UBE2E2: variants seen among roughly 807,000 people sequenced by gnomAD.
The protein encoded by UBE2E2 is ubiquitin conjugating enzyme E2 E2.
UBE2E2 carries 6 observed loss-of-function variants against 24.7 expected under a neutral mutation model. The ratio of observed to expected loss-of-function variants is 0.24; its 90% confidence interval spans 0.13 to 0.48. The LOEUF is 0.48. Among genes scored for constraint, UBE2E2 ranks in the 20% least tolerant of loss-of-function variants. The pLI, the probability that UBE2E2 is intolerant of heterozygous loss-of-function variation, is 0.99. For synonymous variants in UBE2E2, 104 were observed against 83.6 expected (o/e 1.24, Z -1.33); for missense variants, 169 against 245.0 (o/e 0.69, Z 2.07).
At chr3:23,356,926 C>G (rs548277187) in intron 3 of UBE2E2, among the ~76,000 whole-genome samples, 2 of 152,346 alleles carry the variant, frequency 1.3e-5, no homozygotes, top group South Asian at 4.1e-4. Context: ...TATTTCTCCT[C>G]ACACAGATAC....
chr3:23,332,669 AGTGGGGTGT>A (rs1695089133), intron 3 of UBE2E2, among the ~76,000 whole-genome samples: 1 of 88,836 alleles, frequency 1.1e-5, no homozygotes. Context: ...CCTGGCAGCC[AGTGGGGTGT>A]GTGTGTGTGT....
chr3:23,552,334 CAG>C (rs1197014691), intron 5 of UBE2E2, among the ~76,000 whole-genome samples: 5 of 152,158 alleles, frequency 3.3e-5, no homozygotes, highest in Non-Finnish European at 4.4e-5. Flanking sequence ...GCCTAAGCAA[CAG>C]AGAGAGACCC....
At chr3:23,265,908 C>G in intron 3 of UBE2E2, among the ~76,000 whole-genome samples, 1 of 152,194 alleles carries the variant, frequency 6.6e-6, no homozygotes, top group African/African-American at 2.4e-5. Context: ...TAATGGCCTT[C>G]TTTGTCTCTT....
chr3:23,485,369 T>C (rs1699342983), intron 3 of UBE2E2, among the ~76,000 whole-genome samples: 1 of 152,146 alleles, frequency 6.6e-6, no homozygotes, highest in Non-Finnish European at 1.5e-5. Flanking sequence ...AGTGTTGGGA[T>C]TACAGGCATG....
At chr3:23,402,208 G>C (rs148963949) in intron 3 of UBE2E2, among the ~76,000 whole-genome samples, 2 of 152,190 alleles carry the variant, frequency 1.3e-5, no homozygotes, top group Admixed American at 6.5e-5. Flanking sequence ...TCCCTTAGTT[G>C]ATAAGTTAAT....
intron 5 of UBE2E2, among the ~76,000 whole-genome samples, chr3:23,585,893 G>T: frequency 6.9e-6 from 1 of 145,106 alleles, no homozygotes. Flanking sequence ...AAATTATTTG[G>T]TTGATAACAT....
In UBE2E2 at chr3:23,561,284, C is replaced by A. The variant is rs998915466; in HGVS notation, c.509-28450C>A. On this transcript the variant is annotated intron_variant, in intron 5 of 5. Coordinates refer to ENST00000396703, the MANE Select transcript of UBE2E2 (RefSeq NM_152653.4). ...GGAAGGGATCCAGTTTCAGCTTTCTCCATATGGCTAGCCAGTTTTCTCAGC... is the reference window on the plus strand; with the variant it reads ...GGAAGGGATCCAGTTTCAGCTTTCTACATATGGCTAGCCAGTTTTCTCAGC... Among the ~76,000 whole-genome samples, 115 of 152,220 alleles carry A rather than the reference C, an allele frequency of 7.6e-4. 2 individuals are homozygous for A. Among genetic ancestry groups the A allele is most frequent in the African/African-American group, 2.3e-3 (97 of 41,544 alleles).
rs114171663 is a variant in UBE2E2 at position 23,322,465 on chromosome 3, A to G, written c.227+105153A>G. 9.9e-3 allele frequency among the ~76,000 whole-genome samples: 1,500 copies of G among 152,234 alleles called. 6 individuals are homozygous for G. The highest frequency in any genetic ancestry group is 0.015 in the Non-Finnish European group (1,053 of 67,986). On this transcript the variant is annotated intron_variant, in intron 3 of 5. Coordinates refer to ENST00000396703, the MANE Select transcript of UBE2E2 (RefSeq NM_152653.4). ...GTTTTTTGGACAGAATCCCCATGTG[A>G]CTTGATTAATGATAAGGAATAATCA...
intron 3 of UBE2E2, among the ~76,000 whole-genome samples, chr3:23,444,170 C>T (rs1433524786): frequency 6.8e-6 from 1 of 146,986 alleles, no homozygotes; most frequent in Non-Finnish European, 1.5e-5. Context: ...TGTTGTTGAT[C>T]CATGGTTGTT....
chr3:23,353,268 C>T (rs1695821843), intron 3 of UBE2E2, among the ~76,000 whole-genome samples: 1 of 151,998 alleles, frequency 6.6e-6, no homozygotes. Flanking sequence ...GACAAACCCA[C>T]AGCCAATATC....
At chr3:23,493,045 A>T (rs1699532084) in intron 3 of UBE2E2, among the ~76,000 whole-genome samples, 2 of 152,166 alleles carry the variant, frequency 1.3e-5, no homozygotes, top group African/African-American at 4.8e-5. Context: ...TTAAGAAGGG[A>T]TTGAGGCACA....
intron 5 of UBE2E2, among the ~76,000 whole-genome samples, chr3:23,569,317 G>A (rs1220540772): frequency 1.3e-5 from 2 of 152,150 alleles, no homozygotes; most frequent in Non-Finnish European, 2.9e-5. Context: ...CCAGACCTAG[G>A]ACTGGTGGAT....
intron 3 of UBE2E2, among the ~76,000 whole-genome samples, chr3:23,436,099 G>A (rs564611089): frequency 5.3e-5 from 8 of 152,198 alleles, no homozygotes; most frequent in Admixed American, 2.6e-4. Context: ...CTCCCCAGCC[G>A]CTCACCTCCT....
chr3:23,485,985 G>A (rs530639155), intron 3 of UBE2E2, among the ~76,000 whole-genome samples: 40 of 152,244 alleles, frequency 2.6e-4, no homozygotes, highest in African/African-American at 6.7e-4. Flanking sequence ...TTCAGGTGTC[G>A]CTTCACCAGC....
intron 3 of UBE2E2, among the ~76,000 whole-genome samples, chr3:23,401,107 A>G (rs906064461): frequency 6.6e-6 from 1 of 152,206 alleles, no homozygotes; most frequent in Non-Finnish European, 1.5e-5. Flanking sequence ...GTGTCTTAGA[A>G]GGAATCATCA....
At chr3:23,565,827 G>A (rs1030003926) in intron 5 of UBE2E2, among the ~76,000 whole-genome samples, 7 of 152,090 alleles carry the variant, frequency 4.6e-5, no homozygotes, top group African/African-American at 1.2e-4. Context: ...TTTGATAAGC[G>A]CTTCTGCCAC....
At chr3:23,339,054 C>CT (rs1285449741) in intron 3 of UBE2E2, among the ~76,000 whole-genome samples, 2 of 152,162 alleles carry the variant, frequency 1.3e-5, no homozygotes. Context: ...TCTTAACCAA[C>CT]TAATCAAAGT....
chr3:23,394,473 T>C (rs969902073), intron 3 of UBE2E2, among the ~76,000 whole-genome samples: 4 of 152,132 alleles, frequency 2.6e-5, no homozygotes, highest in Non-Finnish European at 5.9e-5. Flanking sequence ...ATTCTTGCTT[T>C]TGGTAATGGT....
chr3:23,392,767 G>A (rs1055042524), intron 3 of UBE2E2, among the ~76,000 whole-genome samples: 54 of 152,140 alleles, frequency 3.5e-4, no homozygotes, highest in African/African-American at 1.3e-3. Context: ...ACGTTAAGAG[G>A]TTCTGGGCTT....
Sources: gnomAD v4.1 joint callset for allele counts (sites outside exome capture counted in the v4.1 genomes callset) on GRCh38, gnomAD v4.1.1 for gene constraint, MANE v1.5 for transcripts, NCBI Gene and HGNC (gene_info 2026-07-23, HGNC 2026-07-21) for gene names.